SLF1: variants seen among roughly 807,000 people sequenced by gnomAD.
SLF1 encodes SMC5-SMC6 complex localization factor protein 1.
A neutral mutation model predicts 123.0 loss-of-function variants in SLF1; 105 were observed. The observed-to-expected ratio is 0.85, with a 90% confidence interval of 0.73 to 1.00. The LOEUF is 1.00. Ranked by LOEUF, SLF1 falls within the 50% of genes least tolerant of loss-of-function variation. The probability of loss-of-function intolerance (pLI) is 0.00; values close to 1 mark genes in which losing one functional copy is unlikely to be tolerated. For synonymous variants in SLF1, 434 were observed against 406.6 expected (o/e 1.07, Z -0.81); for missense variants, 1,239 against 1,223.0 (o/e 1.01, Z -0.20).
chr5:94,640,195 A>G (rs1187257429), intron 4 of SLF1, among the ~76,000 whole-genome samples: 2 of 152,134 alleles, frequency 1.3e-5, no homozygotes, highest in African/African-American at 2.4e-5. Flanking sequence ...TGTGCTGGTA[A>G]TGATTTATCT....
intron 20 of SLF1, among the ~76,000 whole-genome samples, chr5:94,693,081 A>G (rs1664015235): frequency 1.3e-5 from 2 of 152,132 alleles, no homozygotes; most frequent in Non-Finnish European, 2.9e-5. Context: ...ATTTAACATT[A>G]TCTTATCCTG....
intron 15 of SLF1, among the ~76,000 whole-genome samples, chr5:94,679,301 T>A (rs986619598): frequency 2.0e-5 from 3 of 152,202 alleles, no homozygotes; most frequent in African/African-American, 7.2e-5. Flanking sequence ...TATTCAAATA[T>A]AATTATTTTA....
chr5:94,651,904 G>T, intron 7 of SLF1, 59 bp downstream of exon 7: 1 of 860,936 alleles, frequency 1.2e-6, no homozygotes, highest in Non-Finnish European at 1.6e-6. Flanking sequence ...TTATAGAACA[G>T]TTTTCTTTAG....
intron 5 of SLF1, among the ~76,000 whole-genome samples, chr5:94,643,950 T>C (rs1746725745): frequency 6.6e-6 from 1 of 152,076 alleles, no homozygotes; most frequent in South Asian, 2.1e-4. Context: ...ACGACCTTGT[T>C]ATAGGAAAAA....
Position 94,630,524 on chromosome 5 carries a change from A to G in SLF1, c.212A>G (p.Asp71Gly). The G allele has an allele frequency of 6.4e-7, 1 of 1,551,586 alleles. No individual in the cohort carries two copies. The highest frequency in any genetic ancestry group is 8.7e-7 in the Non-Finnish European group (1 of 1,146,884). The change falls in exon 4 of 21, where the codon GAC (aspartate) becomes GGC (glycine). Residue 71 changes from aspartate to glycine, a missense_variant. Physicochemically the swap from Asp to Gly is moderately conservative, Grantham distance 94. Coordinates refer to ENST00000265140, the MANE Select transcript of SLF1 (RefSeq NM_032290.4). ...CTAGGAAAGTGGATACTAACCAAGG[A>G]CTATATAATTCATAGTGCCAAAAGT... is the stretch of plus-strand genomic sequence containing the variant. ...CAAGKWILTK[D>G]YIIHSAKSGR...
intron 18 of SLF1, 135 bp downstream of exon 18, chr5:94,689,741 A>G (rs1465878471): frequency 1.6e-5 from 11 of 708,598 alleles, no homozygotes; most frequent in South Asian, 4.8e-5. Flanking sequence ...ACCTTCTTGG[A>G]TAACGTATTA....
Position 94,692,256 on chromosome 5 carries a change from G to T in SLF1, c.2695G>T (p.Gly899Cys). The T allele has an allele frequency of 6.2e-7, 1 of 1,612,198 alleles. No homozygotes were observed. The highest frequency in any genetic ancestry group is 8.5e-7 in the Non-Finnish European group (1 of 1,178,818). ...TGGCAAGCTGCTACTACAGCATGGG[G>T]GTGAGTGTGTTTATGCTAAATGGGT... ...EIGKLLLQHGGPVLLQQRNAK... is the reference protein window; with the variant it reads ...EIGKLLLQHGCPVLLQQRNAK... The change falls in exon 20 of 21, where the codon GGC (glycine) becomes TGC (cysteine). Residue 899 changes from glycine to cysteine, a missense_variant and splice_region_variant. Coordinates refer to ENST00000265140, the MANE Select transcript of SLF1 (RefSeq NM_032290.4).
At chr5:94,632,603 C>T (rs1173915930) in intron 4 of SLF1, among the ~76,000 whole-genome samples, 2 of 152,030 alleles carry the variant, frequency 1.3e-5, no homozygotes, top group African/African-American at 4.8e-5. Flanking sequence ...TTTTGGGGTG[C>T]TATTATAGAT....
At chr5:94,690,483 T>C (rs1752949465) in intron 18 of SLF1, among the ~76,000 whole-genome samples, 1 of 152,160 alleles carries the variant, frequency 6.6e-6, no homozygotes, top group Non-Finnish European at 1.5e-5. Flanking sequence ...CTTTGTTTTA[T>C]TGTTTCAGAA....
At chr5:94,665,476 C>T (rs1265529295) in intron 11 of SLF1, among the ~76,000 whole-genome samples, 3 of 151,568 alleles carry the variant, frequency 2.0e-5, no homozygotes, top group Non-Finnish European at 4.4e-5. Flanking sequence ...TTAGGCCGGG[C>T]GTGGTGGCTC....
At chr5:94,623,007 C>T (rs1473362523) in intron 1 of SLF1, among the ~76,000 whole-genome samples, 1 of 152,126 alleles carries the variant, frequency 6.6e-6, no homozygotes, top group Non-Finnish European at 1.5e-5. Flanking sequence ...GTATTCATAT[C>T]TGTATTCCTG....
At chr5:94,654,539 G>T (rs1433631701) in intron 8 of SLF1, 91 bp from the exon 9 acceptor site, 1 of 964,198 alleles carries the variant, frequency 1.0e-6, no homozygotes, top group Non-Finnish European at 1.4e-6. Context: ...TGGTATGAAT[G>T]TGTTCCTCTT....
chr5:94,665,998 A>G lies in SLF1; in HGVS notation c.1506A>G (p.Ala502=), dbSNP rs937793611. 46 of 1,551,076 alleles carry G rather than the reference A, an allele frequency of 3.0e-5. No homozygotes were observed. Among genetic ancestry groups the G allele is most frequent in the Non-Finnish European group, 4.0e-5 (46 of 1,146,864 alleles). ...LFQCPTCMKG[A]WSLVEVLIRS... Reference sequence around the variant, plus strand: ...AGTGTCCAACTTGTATGAAAGGAGCATGGTCTTTAGTAGAAGTCCTTATCA... The same window carrying G: ...AGTGTCCAACTTGTATGAAAGGAGCGTGGTCTTTAGTAGAAGTCCTTATCA... Residue 502 remains alanine, a synonymous_variant, in exon 12 of 21, where the codon GCA becomes GCG. Transcript: ENST00000265140.
chr5:94,677,493 A>G (rs572629024), intron 14 of SLF1, among the ~76,000 whole-genome samples: 1 of 152,320 alleles, frequency 6.6e-6, no homozygotes, highest in African/African-American at 2.4e-5. Flanking sequence ...AATGTTATAT[A>G]TTATGTTATT....
chr5:94,627,746 C>A (rs1744680633), intron 1 of SLF1, among the ~76,000 whole-genome samples: 1 of 150,920 alleles, frequency 6.6e-6, no homozygotes, highest in African/African-American at 2.4e-5. Context: ...TAATATGTGT[C>A]CACAGAGACT....
intron 11 of SLF1, among the ~76,000 whole-genome samples, chr5:94,665,126 A>G (rs944783321): frequency 6.6e-6 from 1 of 152,192 alleles, no homozygotes; most frequent in South Asian, 2.1e-4. Context: ...GGCAGGAATT[A>G]TCTTTATTTT....
rs937312503 is a variant in SLF1 at position 94,628,755 on chromosome 5, A to G, written c.1-56A>G. The G allele has an allele frequency of 8.5e-6, 10 of 1,173,452 alleles. No individual in the cohort carries two copies. The African/African-American group carries it at 1.6e-4, about 18-fold the overall frequency. The allele number at this position is 1,173,452 out of a possible 1,614,324, so 72.7% of individuals were successfully genotyped here. On this transcript the variant is annotated intron_variant, in intron 1 of 20. Coordinates refer to ENST00000265140, the MANE Select transcript of SLF1 (RefSeq NM_032290.4). The stretch of plus-strand genomic sequence containing the variant: ...TCATAGTTAAGAAAAAATAATGTCA[A>G]CCCTGTGAATAATATCTTTAACACA...
chr5:94,640,405 G>C (rs1167582330), intron 4 of SLF1, among the ~76,000 whole-genome samples: 1 of 151,902 alleles, frequency 6.6e-6, no homozygotes, highest in East Asian at 1.9e-4. Flanking sequence ...TTTTCTTCAA[G>C]ATTTTCTCCT....
intron 16 of SLF1, among the ~76,000 whole-genome samples, chr5:94,687,991 A>G (rs921138302): frequency 4.1e-5 from 6 of 147,676 alleles, no homozygotes; most frequent in Non-Finnish European, 7.5e-5. Flanking sequence ...TTAATAAGGC[A>G]ATATTAATTT....
Sources: gnomAD v4.1 joint callset for allele counts (sites outside exome capture counted in the v4.1 genomes callset) on GRCh38, gnomAD v4.1.1 for gene constraint, MANE v1.5 for transcripts, NCBI Gene and HGNC (gene_info 2026-07-23, HGNC 2026-07-21) for gene names.